The following LRRC46 variants were observed in gnomAD, a reference collection of about 807,000 sequenced individuals.
LRRC46 encodes leucine-rich repeat-containing protein 46.
In LRRC46, 20 loss-of-function variants were observed where a neutral mutation model predicts 28.0. That is an observed-to-expected ratio of 0.71 (90% CI 0.50 to 1.04). The LOEUF (loss-of-function observed/expected upper bound fraction) is 1.04, where lower values mean the gene tolerates loss of function less well. Among genes scored for constraint, LRRC46 ranks in the 50% least tolerant of loss-of-function variants. The pLI is 0.00. For synonymous variants in LRRC46, 156 were observed against 158.8 expected, an observed-to-expected ratio of 0.98 and a Z score of 0.13; for missense variants, 315 against 390.1, an observed-to-expected ratio of 0.81 and a Z score of 1.62.
rs1567953876 is a variant in LRRC46 at position 47,836,314 on chromosome 17, T to C, written c.453-19T>C. 6.2e-7 allele frequency: 1 copy of C among 1,613,200 alleles called. No homozygotes were observed. On this transcript the variant is annotated intron_variant, in intron 6 of 7. Coordinates refer to ENST00000269025, the MANE Select transcript of LRRC46 (RefSeq NM_033413.4). The surrounding 1 kb of genome is among the most constrained non-coding windows in gnomAD (Gnocchi z 5.8). ...CCAGGGTGCCCTCCTGGGTAACCTC[T>C]GCTCCTTCTGCTCTGCAGCGAGCTG...
In LRRC46 at chr17:47,836,068, T is replaced by C; in HGVS notation, c.418T>C (p.Ser140Pro). 6.2e-7 allele frequency: 1 copy of C among 1,614,124 alleles called. No homozygotes were observed. The highest frequency in any genetic ancestry group is 8.5e-7 in the Non-Finnish European group (1 of 1,179,996). ...CCAGAGCCTTCTCATCCTCAACCTG[T>C]CTGGAAACAGCTGCACCAACCAGGA... ...FPQSLLILNL[S>P]GNSCTNQDGY... The change falls in exon 6 of 8, where the codon TCT becomes CCT. Residue 140 changes from serine (S) to proline (P), a missense_variant. Physicochemically the swap from Ser to Pro is moderately conservative, Grantham distance 74. Coordinates refer to ENST00000269025, the MANE Select transcript of LRRC46 (RefSeq NM_033413.4). The surrounding 1 kb of genome is among the most constrained non-coding windows in gnomAD (Gnocchi z 5.8).
At chr17:47,832,032 G>T in intron 1 of LRRC46, 33 bp downstream of exon 1, 1 of 1,613,982 alleles carries the variant, frequency 6.2e-7, no homozygotes, top group East Asian at 2.2e-5. Context: ...GGGTAGAGCA[G>T]TTGGAAAACA....
chr17:47,835,165 A>T, intron 3 of LRRC46, 188 bp from the exon 4 acceptor site: 2 of 692,310 alleles, frequency 2.9e-6, no homozygotes, highest in Admixed American at 4.1e-5. Flanking sequence ...ACCCTTAACC[A>T]TCCACATGGG....
Position 47,837,048 on chromosome 17 carries a change from C to T in LRRC46, c.894C>T (p.Ala298=). The T allele has an allele frequency of 6.2e-7, 1 of 1,609,924 alleles. No homozygotes were observed. Among genetic ancestry groups the T allele is most frequent in the South Asian group, 1.1e-5 (1 of 91,004 alleles). The stretch of plus-strand genomic sequence containing the variant: ...GGGGAAGGAAGGGGGCACGAGCAGC[C>T]ACAGCCCCCAAGGCCTCTGTGGCTG... ...SFWGRKGARA[A]TAPKASVAEA... The change falls in exon 8 of 8, where the codon GCC becomes GCT. Residue 298 remains alanine, a synonymous_variant. Transcript: ENST00000269025.
intron 4 of LRRC46, 130 bp downstream of exon 4, chr17:47,835,529 C>A: frequency 1.4e-6 from 2 of 1,384,832 alleles, no homozygotes; most frequent in Non-Finnish European, 2.0e-6. Context: ...AGATCTACTC[C>A]CTCACCCCAG....
Position 47,837,694 on chromosome 17 carries a change from A to T in LRRC46, c.*574A>T. On this transcript the variant is annotated 3_prime_UTR_variant, in exon 8 of 8. Coordinates refer to ENST00000269025, the MANE Select transcript of LRRC46 (RefSeq NM_033413.4). The stretch of plus-strand genomic sequence containing the variant: ...CCTGGGATAAAGTTCACTGAAGAGA[A>T]AATAAAGCACATTTATTAAGGCAAA... The T allele has an allele frequency of 2.0e-6, 2 of 986,860 alleles. No individual in the cohort carries two copies. Among genetic ancestry groups the T allele is most frequent in the Non-Finnish European group, 2.8e-6 (2 of 709,630 alleles). 61.1% of individuals were successfully genotyped at this position (986,860 alleles called of 1,614,324 possible). A position where few individuals can be genotyped will look rare whatever the true frequency, so the allele number is the denominator to read the frequency against.
chr17:47,837,117 A>G lies in LRRC46; in HGVS notation c.963A>G (p.Lys321=), dbSNP rs374016609. ...AAACTACGGCCAAGAGAAGCAAGAA[A>G]TGATTCTCTGTCAACCTTTCTCTAC... ...TTKTTAKRSK[K] The change falls in exon 8 of 8, where the codon AAA becomes AAG. Residue 321 remains lysine (K), a synonymous_variant. Coordinates refer to ENST00000269025, the MANE Select transcript of LRRC46 (RefSeq NM_033413.4). 3.7e-6 allele frequency: 6 copies of G among 1,603,834 alleles called. No homozygotes were observed. Among genetic ancestry groups the G allele is most frequent in the Non-Finnish European group, 5.1e-6 (6 of 1,177,664 alleles).
Position 47,831,993 on chromosome 17 carries a change from T to C in LRRC46, c.4T>C (p.Ser2Pro), listed in dbSNP as rs1408824181. ...CAGCAGCCTTTTATTTTAGATCATG[T>C]CTGGAGGTGAGTAGGGAGGTGGGAC... MSGGKSAQGPEE... is the reference protein window; with the variant it reads MPGGKSAQGPEE... The change falls in exon 1 of 8, where the codon TCT (serine) becomes CCT (proline). Residue 2 changes from serine (S) to proline (P), a missense_variant. By Grantham distance (74) the Ser-to-Pro change is moderately conservative. Transcript: ENST00000269025. 2.5e-6 allele frequency: 4 copies of C among 1,613,690 alleles called. No homozygotes were observed. Among genetic ancestry groups the C allele is most frequent in the Non-Finnish European group, 3.4e-6 (4 of 1,180,020 alleles).
intron 4 of LRRC46, 78 bp from the exon 5 acceptor site, chr17:47,835,588 G>C: frequency 1.4e-6 from 2 of 1,477,482 alleles, no homozygotes; most frequent in East Asian, 4.5e-5. Flanking sequence ...CAGGGGCCCC[G>C]GTGTCAGGTG....
intron 4 of LRRC46, 57 bp downstream of exon 4, chr17:47,835,456 C>T (rs2033682869): frequency 6.3e-7 from 1 of 1,591,578 alleles, no homozygotes; most frequent in Non-Finnish European, 8.6e-7. Flanking sequence ...CTAGCCATAT[C>T]CCAAAGAACT....
chr17:47,833,928 T>C, intron 2 of LRRC46: 2 of 985,554 alleles, frequency 2.0e-6, no homozygotes, highest in Non-Finnish European at 2.4e-6. Flanking sequence ...CCTGCTTCTT[T>C]ATTAGTGGTG....
rs772717256 is a variant in LRRC46 at position 47,835,680 on chromosome 17, C to A, written c.287C>A (p.Ala96Glu). 1.2e-6 allele frequency: 2 copies of A among 1,614,106 alleles called. No individual in the cohort carries two copies. The highest frequency in any genetic ancestry group is 4.5e-5 in the East Asian group (2 of 44,882). ...TTCCCCTACAGCTTCCTGTCTCTGG[C>A]AGGAAACCAAATCAGGCAGGTGGAA... Reference protein sequence around the residue: ...CIPSLRFLSLAGNQIRQVENL... With the variant: ...CIPSLRFLSLEGNQIRQVENL... The change falls in exon 5 of 8, where the codon GCA (alanine) becomes GAA (glutamate). Residue 96 changes from alanine to glutamate, a missense_variant. By Grantham distance (107) the Ala-to-Glu change is moderately radical. Transcript: ENST00000269025.
In LRRC46 at chr17:47,837,310, G is replaced by A. The variant is rs2033711450; in HGVS notation, c.*190G>A. 1 of 711,384 alleles carries A rather than the reference G, an allele frequency of 1.4e-6. No individual in the cohort carries two copies. The highest frequency in any genetic ancestry group is 2.2e-6 in the Non-Finnish European group (1 of 462,886). The allele number at this position is 711,384 out of a possible 1,614,324, so 44.1% of individuals were successfully genotyped here. A position where few individuals can be genotyped will look rare whatever the true frequency, so the allele number is the denominator to read the frequency against. On this transcript the variant is annotated 3_prime_UTR_variant, in exon 8 of 8. Transcript: ENST00000269025. The stretch of plus-strand genomic sequence containing the variant: ...CAGGAAACAAAATACAGAGCTCAGT[G>A]AGCCACCTGATTCTAAAGAGCGAGT...
chr17:47,832,265 C>T, intron 2 of LRRC46, 60 bp downstream of exon 2: 1 of 1,257,942 alleles, frequency 7.9e-7, no homozygotes, highest in Non-Finnish European at 1.1e-6. Flanking sequence ...ATGACCAGGT[C>T]CCTGACGTGT....
At position 47,836,194 on chromosome 17, in the gene LRRC46, G is replaced by A. The variant is rs954613768; in HGVS notation, c.452+92G>A. 1 of 1,576,370 alleles carries A rather than the reference G, an allele frequency of 6.3e-7. No individual in the cohort carries two copies. On this transcript the variant is annotated intron_variant, in intron 6 of 7. Transcript: ENST00000269025. This position sits in a 1 kb window ranked among gnomAD's most constrained non-coding sequence, Gnocchi z 5.8. ...TCTCAGCCTGCAAACCTGGGGTCCTGTCCATGACACCTTCTCCCCCACCTC... is the reference window on the plus strand; with the variant it reads ...TCTCAGCCTGCAAACCTGGGGTCCTATCCATGACACCTTCTCCCCCACCTC...
In LRRC46 at chr17:47,835,742, C is replaced by T; in HGVS notation, c.349C>T (p.Leu117Phe). 6.2e-7 allele frequency: 1 copy of T among 1,614,216 alleles called. No individual in the cohort carries two copies. Among genetic ancestry groups the T allele is most frequent in the Non-Finnish European group, 8.5e-7 (1 of 1,180,034 alleles). Residue 117 changes from leucine to phenylalanine, a missense_variant, in exon 5 of 8, where the codon CTT (leucine) becomes TTT (phenylalanine). Transcript: ENST00000269025. ...LDLPCLQFLD[L>F]SENLIETLKL... is the part of the protein sequence containing the mutation. ...CCTCCCATGCCTCCAGTTTCTGGAC[C>T]TTTCTGAGAACCTGATAGAAACATT...
Position 47,836,780 on chromosome 17 carries a change from G to A in LRRC46, c.626G>A (p.Ser209Asn), listed in dbSNP as rs747523264. 5 of 1,613,704 alleles carry A rather than the reference G, an allele frequency of 3.1e-6. No homozygotes were observed. In the South Asian group the frequency reaches 5.5e-5, roughly 18 times the overall value. The change falls in exon 8 of 8, where the codon AGC (serine) becomes AAC (asparagine). Residue 209 changes from serine to asparagine, a missense_variant. Transcript: ENST00000269025. The surrounding 1 kb of genome is among the most constrained non-coding windows in gnomAD (Gnocchi z 5.8). Reference protein sequence around the residue: ...GFLKELEQELSRHREHRQQTA... With the variant: ...GFLKELEQELNRHREHRQQTA... ...CTCAAGGAGCTGGAGCAGGAGCTGA[G>A]CAGGCACAGGGAGCACCGGCAACAG...
rs1185377344 is a variant in LRRC46, at chr17:47,831,761, C to G, written c.-229C>G. On this transcript the variant is annotated 5_prime_UTR_variant, in exon 1 of 8. Coordinates refer to ENST00000269025, the MANE Select transcript of LRRC46 (RefSeq NM_033413.4). The stretch of plus-strand genomic sequence containing the variant: ...TGCCCACAACACCCCAGCTTGCTGC[C>G]AGCAAAGCCCCTCCACACCCCTCAA... 1.5e-6 allele frequency: 1 copy of G among 648,466 alleles called. No individual in the cohort carries two copies. The highest frequency in any genetic ancestry group is 2.7e-6 in the Non-Finnish European group (1 of 374,458). The allele number at this position is 648,466 out of a possible 1,614,324, so 40.2% of individuals were successfully genotyped here. A position where few individuals can be genotyped will look rare whatever the true frequency, so the allele number is the denominator to read the frequency against.
rs777036776 is a variant in LRRC46, at chr17:47,836,484, G to A, written c.595+9G>A. The A allele has an allele frequency of 9.3e-6, 15 of 1,613,248 alleles. No individual in the cohort carries two copies. The Admixed American group carries it at 2.2e-4, about 23-fold the overall frequency. ...ATTCTGCTCAGAACGAGGTGACCCT[G>A]CTTTCCAAGGTTTTCAGCCTCCCCA... On this transcript the variant is annotated intron_variant, in intron 7 of 7. Transcript: ENST00000269025. The surrounding 1 kb of genome is among the most constrained non-coding windows in gnomAD (Gnocchi z 5.8).
Sources: gnomAD v4.1 joint callset for allele counts on GRCh38, gnomAD v4.1.1 for gene constraint, Gnocchi (gnomAD v3.1) non-coding constraint, MANE v1.5 for transcripts, NCBI Gene and HGNC (gene_info 2026-07-23, HGNC 2026-07-21) for gene names.